Variants in ZBTB10 observed in about 807,000 individuals in gnomAD.
ZBTB10 encodes the protein zinc finger and BTB domain containing 10.
In ZBTB10, 32 loss-of-function variants were observed where a neutral mutation model predicts 76.4. The observed-to-expected ratio is 0.42, with a 90% CI of 0.32 to 0.56. The LOEUF (loss-of-function observed/expected upper bound fraction) is 0.56, where lower values mean the gene tolerates loss of function less well. ZBTB10 is among the 20% of genes least tolerant of loss of function. The pLI, the probability that ZBTB10 is intolerant of heterozygous loss-of-function variation, is 0.14. For missense variants in ZBTB10, 1,057 were observed against 1,098.5 expected, an observed-to-expected ratio of 0.96 and a Z score of 0.53; for synonymous variants, 523 against 432.9, an observed-to-expected ratio of 1.21 and a Z score of -2.58.
At chr8:80,504,690 G>T (rs1044392482) in intron 2 of ZBTB10, among the ~76,000 whole-genome samples, 1 of 152,108 alleles carries the variant, frequency 6.6e-6, no homozygotes, top group Non-Finnish European at 1.5e-5. Context: ...AAAACTGTCA[G>T]CAAAAACTAA....
chr8:80,497,880 C>T (rs1267495404), intron 1 of ZBTB10, among the ~76,000 whole-genome samples: 2 of 151,894 alleles, frequency 1.3e-5, no homozygotes, highest in South Asian at 2.1e-4. Flanking sequence ...CCAGGCTGGT[C>T]TTGAACTCCT....
intron 1 of ZBTB10, among the ~76,000 whole-genome samples, chr8:80,492,094 TCTGAAAGA>T (rs1417376355): frequency 6.6e-6 from 1 of 152,250 alleles, no homozygotes; most frequent in Non-Finnish European, 1.5e-5. Flanking sequence ...AGGAAGAAAG[TCTGAAAGA>T]CCTTTCACTG....
chr8:80,504,874 T>G (rs2131498295), intron 2 of ZBTB10, among the ~76,000 whole-genome samples: 1 of 152,326 alleles, frequency 6.6e-6, no homozygotes, highest in South Asian at 2.1e-4. Context: ...AGATAACTAG[T>G]GCCTAAATTT....
At position 80,519,709 on chromosome 8, in the gene ZBTB10, T is replaced by A. The variant is rs1816411861; in HGVS notation, c.*181T>A. 17 of 561,598 alleles carry A rather than the reference T, an allele frequency of 3.0e-5. No homozygotes were observed. The highest frequency in any genetic ancestry group is 5.3e-5 in the Non-Finnish European group (17 of 323,764). 34.8% of individuals were successfully genotyped at this position (561,598 alleles called of 1,614,324 possible). On this transcript the variant is annotated 3_prime_UTR_variant, in exon 6 of 6. Coordinates refer to ENST00000455036, the MANE Select transcript of ZBTB10 (RefSeq NM_001105539.3). ...ATTTTTTTTTATATTTGCACAGGAC[T>A]ATACAGCAAACAACCATGTGGTTGG...
In ZBTB10 at chr8:80,487,546, C is replaced by T; in HGVS notation, c.736C>T (p.Leu246Phe). The T allele has an allele frequency of 6.3e-7, 1 of 1,597,648 alleles. No individual in the cohort carries two copies. The highest frequency in any genetic ancestry group is 8.5e-7 in the Non-Finnish European group (1 of 1,172,044). Residue 246 changes from leucine (L) to phenylalanine (F), a missense_variant, in exon 1 of 6, where the codon CTC becomes TTC. Physicochemically the swap from Leu to Phe is conservative, Grantham distance 22. Around this residue, in one of 5 missense-constraint regions of ZBTB10, gnomAD observed 556 missense variants for 451.7 expected, o/e 1.23. Coordinates refer to ENST00000455036, the MANE Select transcript of ZBTB10 (RefSeq NM_001105539.3). ...LARPKSLMQK[L>F]QCSFQTSWLK... ...GCGGCCCAAGTCTCTAATGCAGAAG[C>T]TCCAATGCTCCTTCCAGACCTCCTG...
intron 1 of ZBTB10, among the ~76,000 whole-genome samples, chr8:80,493,192 A>AACACGCGCGCGCGC (rs1374271152): frequency 3.4e-5 from 4 of 117,678 alleles, no homozygotes; most frequent in Non-Finnish European, 7.0e-5. Flanking sequence ...TGTGCCTCAA[A>AACACGCGCGCGCGC]ACGCGCGCGC....
At chr8:80,493,259 G>A (rs929343928) in intron 1 of ZBTB10, among the ~76,000 whole-genome samples, 2 of 149,446 alleles carry the variant, frequency 1.3e-5, no homozygotes, top group Admixed American at 6.8e-5. Context: ...TGAGGAAAGT[G>A]AAGAATGGTA....
chr8:80,486,636 A>T lies in ZBTB10; in HGVS notation c.-175A>T. On this transcript the variant is annotated 5_prime_UTR_variant, in exon 1 of 6. Transcript: ENST00000455036. ...CAGCGGCAGCGGACGCGTGCAGCAG[A>T]CCCGGGAGCGAGCGCGAGCCGGGCT... 1 of 983,624 alleles carries T rather than the reference A, an allele frequency of 1.0e-6. No homozygotes were observed. Among genetic ancestry groups the T allele is most frequent in the Non-Finnish European group, 1.2e-6 (1 of 830,620 alleles). The allele number at this position is 983,624 out of a possible 1,614,324, so 60.9% of individuals were successfully genotyped here.
chr8:80,497,696 T>C (rs1815822638), intron 1 of ZBTB10, among the ~76,000 whole-genome samples: 1 of 147,686 alleles, frequency 6.8e-6, no homozygotes, highest in South Asian at 2.2e-4. Flanking sequence ...TTTTTTTTTT[T>C]TTTTTTTTTT....
At chr8:80,496,206 A>C in intron 1 of ZBTB10, among the ~76,000 whole-genome samples, 1 of 152,184 alleles carries the variant, frequency 6.6e-6, no homozygotes, top group East Asian at 1.9e-4. Context: ...CTAAGAATTT[A>C]TTAATTTATT....
At chr8:80,508,205 T>A (rs1238125186) in intron 2 of ZBTB10, among the ~76,000 whole-genome samples, 1 of 152,244 alleles carries the variant, frequency 6.6e-6, no homozygotes, top group East Asian at 1.9e-4. Flanking sequence ...TTTTGTGACT[T>A]CTTCCTGCTG....
chr8:80,494,071 A>G (rs567331095), intron 1 of ZBTB10, among the ~76,000 whole-genome samples: 8 of 152,332 alleles, frequency 5.3e-5, no homozygotes, highest in African/African-American at 9.6e-5. Context: ...TCTTCCTTCT[A>G]TAAAATGAAT....
intron 1 of ZBTB10, among the ~76,000 whole-genome samples, 194 bp downstream of exon 1, chr8:80,487,976 C>G (rs139355217): frequency 6.6e-6 from 1 of 152,176 alleles, no homozygotes; most frequent in Non-Finnish European, 1.5e-5. Context: ...TATAAAAGTT[C>G]TGTATGTGTT....
chr8:80,493,899 T>C (rs182851763), intron 1 of ZBTB10, among the ~76,000 whole-genome samples: 169 of 152,318 alleles, frequency 1.1e-3, no homozygotes, highest in African/African-American at 3.9e-3. Context: ...TTAGAATTTC[T>C]GGGGATAGTA....
intron 1 of ZBTB10, among the ~76,000 whole-genome samples, chr8:80,497,217 G>T (rs76849408): frequency 0.022 from 3,335 of 148,584 alleles, 124 homozygotes; most frequent in African/African-American, 0.077. Flanking sequence ...CAACATACTG[G>T]TTTTTTTTTT....
Position 80,499,555 on chromosome 8 carries a change from C to T in ZBTB10, c.1034C>T (p.Ser345Phe). 1 of 1,613,900 alleles carries T rather than the reference C, an allele frequency of 6.2e-7. No individual in the cohort carries two copies. The highest frequency in any genetic ancestry group is 8.5e-7 in the Non-Finnish European group (1 of 1,179,840). Reference sequence around the variant, plus strand: ...TTTAATAGTAGGCCAAATGAGAACTCTTATTGCTATCAACTTCTGCGACAA... The same window carrying T: ...TTTAATAGTAGGCCAAATGAGAACTTTTATTGCTATCAACTTCTGCGACAA... ...CDFNSRPNEN[S>F]YCYQLLRQLN... Residue 345 changes from serine to phenylalanine, a missense_variant, in exon 2 of 6, where the codon TCT (serine) becomes TTT (phenylalanine). Around this residue, in one of 5 missense-constraint regions of ZBTB10, gnomAD observed 86 missense variants for 145.7 expected, o/e 0.59. Transcript: ENST00000455036.
At chr8:80,492,040 C>T (rs1464472768) in intron 1 of ZBTB10, among the ~76,000 whole-genome samples, 3 of 152,072 alleles carry the variant, frequency 2.0e-5, no homozygotes, top group African/African-American at 4.8e-5. Flanking sequence ...GAAATAAGGG[C>T]GGAAGGTTGG....
chr8:80,501,309 CTT>C, intron 2 of ZBTB10, among the ~76,000 whole-genome samples: 1 of 152,312 alleles, frequency 6.6e-6, no homozygotes, highest in African/African-American at 2.4e-5. Flanking sequence ...CCGTAGGAAT[CTT>C]AGAGAATCAC....
intron 3 of ZBTB10, among the ~76,000 whole-genome samples, chr8:80,516,453 T>G (rs1043148725): frequency 6.6e-6 from 1 of 152,196 alleles, no homozygotes; most frequent in South Asian, 2.1e-4. Context: ...ACAAGAAATA[T>G]GGATCATAAA....
Sources: allele counts gnomAD v4.1 joint callset (sites outside exome capture counted in the v4.1 genomes callset), GRCh38; gene constraint gnomAD v4.1.1; regional missense constraint gnomAD v4.1.1; transcripts MANE v1.5; gene names NCBI Gene and HGNC (gene_info 2026-07-23, HGNC 2026-07-21).